ALMS1: variants seen among roughly 807,000 people sequenced by gnomAD.
ALMS1 encodes the protein ALMS1 centrosome and basal body associated protein, also known as centrosome-associated protein ALMS1.
A neutral mutation model predicts 352.2 loss-of-function variants in ALMS1; 271 were observed. That is an observed-to-expected ratio of 0.77 (90% CI 0.70 to 0.85). The LOEUF (loss-of-function observed/expected upper bound fraction) is 0.85. Among genes scored for constraint, ALMS1 ranks in the 40% least tolerant of loss-of-function variants. The pLI is 0.00. For missense variants in ALMS1, 5,445 were observed against 4,870.7 expected, an observed-to-expected ratio of 1.12 and a Z score of -3.51; for synonymous variants, 1,865 against 1,761.2, an observed-to-expected ratio of 1.06 and a Z score of -1.48.
intron 9 of ALMS1, among the ~76,000 whole-genome samples, chr2:73,460,858 G>A (rs1672179861): frequency 6.6e-6 from 1 of 152,246 alleles, no homozygotes; most frequent in South Asian, 2.1e-4. Flanking sequence ...AGCAGTCTGA[G>A]ATCAAACTGC....
At chr2:73,529,526 G>A (rs1262902849) in intron 11 of ALMS1, among the ~76,000 whole-genome samples, 1 of 152,172 alleles carries the variant, frequency 6.6e-6, no homozygotes, top group Non-Finnish European at 1.5e-5. Flanking sequence ...AGTCTTCACA[G>A]TCTGACTTTG....
At chr2:73,605,874 C>T (rs761677682) in intron 21 of ALMS1, among the ~76,000 whole-genome samples, 10 of 151,778 alleles carry the variant, frequency 6.6e-5, no homozygotes, top group Non-Finnish European at 1.5e-4. Flanking sequence ...AAGAAACTAT[C>T]ACTTATCAAG....
intron 1 of ALMS1, 128 bp downstream of exon 1, chr2:73,386,320 C>T: frequency 7.7e-7 from 1 of 1,302,414 alleles, no homozygotes; most frequent in Non-Finnish European, 1.0e-6. Flanking sequence ...GGCTAGTAGG[C>T]GGCCCAGACT....
intron 9 of ALMS1, among the ~76,000 whole-genome samples, chr2:73,489,312 C>A (rs1248318743): frequency 2.6e-5 from 4 of 152,032 alleles, no homozygotes; most frequent in African/African-American, 7.2e-5. Flanking sequence ...ATGTGGCCAG[C>A]AAAAATTTGA....
chr2:73,564,058 G>C (rs1235802968), intron 15 of ALMS1, among the ~76,000 whole-genome samples: 5 of 151,826 alleles, frequency 3.3e-5, no homozygotes, highest in Admixed American at 2.0e-4. Context: ...GTGTGTGTCT[G>C]TGTGTGTGCA....
intron 16 of ALMS1, among the ~76,000 whole-genome samples, chr2:73,581,928 G>A (rs892308689): frequency 6.6e-6 from 1 of 152,060 alleles, no homozygotes; most frequent in African/African-American, 2.4e-5. Flanking sequence ...TATTTTAGTA[G>A]AGACAGGGTT....
chr2:73,432,362 A>G (rs1671517641), intron 7 of ALMS1, 71 bp downstream of exon 7: 4 of 1,103,762 alleles, frequency 3.6e-6, no homozygotes, highest in African/African-American at 1.6e-5. Context: ...TGTTAGGTCT[A>G]TCTAATTTTG....
intron 9 of ALMS1, among the ~76,000 whole-genome samples, chr2:73,480,221 C>G (rs1342062661): frequency 6.6e-6 from 1 of 151,942 alleles, no homozygotes; most frequent in Non-Finnish European, 1.5e-5. Flanking sequence ...TGCTATCCGT[C>G]CCCACTCCCC....
In ALMS1 at chr2:73,601,269, C is replaced by T; in HGVS notation, c.11947C>T (p.Pro3983Ser). Residue 3983 changes from proline (P) to serine (S), a missense_variant, in exon 19 of 23, where the codon CCT (proline) becomes TCT (serine). By Grantham distance (74) the Pro-to-Ser change is moderately conservative (BLOSUM62 -1). Coordinates refer to ENST00000613296, the MANE Select transcript of ALMS1 (RefSeq NM_001378454.1). The stretch of plus-strand genomic sequence containing the variant: ...GGAAAACGTGCCTAACACTTGTGGC[C>T]CTGGCATCTCCTGGTTTGAACCAAT... The part of the protein sequence containing the change: ...KKENVPNTCG[P>S]GISWFEPITK... The T allele has an allele frequency of 6.2e-7, 1 of 1,614,202 alleles. No individual in the cohort carries two copies. The highest frequency in any genetic ancestry group is 2.2e-5 in the East Asian group (1 of 44,880).
intron 11 of ALMS1, among the ~76,000 whole-genome samples, chr2:73,523,359 GA>G (rs1673723886): frequency 6.6e-6 from 1 of 152,100 alleles, no homozygotes; most frequent in East Asian, 1.9e-4. Flanking sequence ...CCTTCATTTG[GA>G]AGTGAGTTTC....
At position 73,449,162 on chromosome 2, in the gene ALMS1, C is replaced by T; in HGVS notation, c.2635C>T (p.His879Tyr). The change falls in exon 8 of 23, where the codon CAT becomes TAT. Residue 879 changes from histidine to tyrosine, a missense_variant. His to Tyr is a moderately conservative substitution (Grantham distance 83). Transcript: ENST00000613296. ...AFYQQTLPNS[H>Y]LTEEALKVSI... Reference sequence around the variant, plus strand: ...CTATCAGCAGACCTTACCCAATAGTCATCTAACTGAAGAGGCTCTGAAAGT... The same window carrying T: ...CTATCAGCAGACCTTACCCAATAGTTATCTAACTGAAGAGGCTCTGAAAGT... 1 of 1,614,106 alleles carries T rather than the reference C, an allele frequency of 6.2e-7. No homozygotes were observed. Among genetic ancestry groups the T allele is most frequent in the Non-Finnish European group, 8.5e-7 (1 of 1,180,006 alleles).
At chr2:73,388,531 C>G (rs1027609558) in intron 1 of ALMS1, among the ~76,000 whole-genome samples, 5 of 152,096 alleles carry the variant, frequency 3.3e-5, no homozygotes, top group Non-Finnish European at 5.9e-5. Flanking sequence ...TCTGTGTACC[C>G]ATTGTACCCA....
intron 11 of ALMS1, among the ~76,000 whole-genome samples, chr2:73,528,850 A>G (rs182603923): frequency 3.3e-5 from 5 of 152,016 alleles, no homozygotes; most frequent in Admixed American, 1.3e-4. Context: ...CCTGTCTTCA[A>G]ACTCACTGTG....
chr2:73,556,484 A>G (rs151220038), intron 13 of ALMS1, among the ~76,000 whole-genome samples: 80 of 152,290 alleles, frequency 5.3e-4, no homozygotes, highest in African/African-American at 1.9e-3. Context: ...AGAATGCTGT[A>G]TTTAAAATCT....
At chr2:73,435,227 A>G (rs1671583442) in intron 7 of ALMS1, among the ~76,000 whole-genome samples, 1 of 152,050 alleles carries the variant, frequency 6.6e-6, no homozygotes, top group South Asian at 2.1e-4. Context: ...GTGATTATTT[A>G]ATCTGTTTGC....
At chr2:73,421,038 G>C (rs1671272562) in intron 3 of ALMS1, among the ~76,000 whole-genome samples, 2 of 152,142 alleles carry the variant, frequency 1.3e-5, no homozygotes, top group African/African-American at 2.4e-5. Flanking sequence ...CACACACACA[G>C]ATAATGTTGT....
Position 73,436,869 on chromosome 2 carries a change from G to A in ALMS1, c.1432+4578G>A, listed in dbSNP as rs537966954. 3.9e-5 allele frequency among the ~76,000 whole-genome samples: 6 copies of A among 152,320 alleles called. No individual in the cohort carries two copies. The East Asian group carries it at 1.2e-3, about 29-fold the overall frequency. ...TTAATTGTTACTGGCTAAGCCCAAT[G>A]TGTGTGCCCTCTGAAAGGTAAATTT... On this transcript the variant is annotated intron_variant, in intron 7 of 22. Transcript: ENST00000613296.
chr2:73,459,634 A>G (rs371150242), intron 9 of ALMS1, among the ~76,000 whole-genome samples: 17 of 152,256 alleles, frequency 1.1e-4, no homozygotes, highest in African/African-American at 3.9e-4. Flanking sequence ...TTTGATACTC[A>G]AATTATCCCA....
intron 11 of ALMS1, among the ~76,000 whole-genome samples, chr2:73,533,006 GT>G (rs1387598779): frequency 6.6e-6 from 1 of 152,164 alleles, no homozygotes; most frequent in African/African-American, 2.4e-5. Context: ...CCCAGGGTAT[GT>G]CTAGAAATGT....
Sources: gnomAD v4.1 joint callset for allele counts (sites outside exome capture counted in the v4.1 genomes callset) on GRCh38, gnomAD v4.1.1 for gene constraint, MANE v1.5 for transcripts, NCBI Gene and HGNC (gene_info 2026-07-23, HGNC 2026-07-21) for gene names.